Variants in CCDC178 observed in about 807,000 individuals in gnomAD.
CCDC178 encodes the protein coiled-coil domain containing 178, also known as coiled-coil domain-containing protein 178.
CCDC178 carries 126 observed loss-of-function variants against 117.4 expected under a neutral mutation model. The observed-to-expected ratio is 1.07, with a 90% confidence interval of 0.93 to 1.24. CCDC178 has a LOEUF of 1.24. Among genes scored for constraint, CCDC178 ranks in the 50% most tolerant of loss-of-function variants. The probability of loss-of-function intolerance (pLI) is 0.00; values close to 1 mark genes in which losing one functional copy is unlikely to be tolerated. For missense variants in CCDC178, 1,030 were observed against 986.9 expected (o/e 1.04, Z -0.59); for synonymous variants, 283 against 313.4 (o/e 0.90, Z 1.02).
intron 2 of CCDC178, among the ~76,000 whole-genome samples, chr18:33,421,836 A>C (rs941901324): frequency 9.2e-5 from 14 of 152,228 alleles, no homozygotes; most frequent in African/African-American, 3.1e-4. Context: ...CTGGTAGAAA[A>C]GGAAAGGTAC....
chr18:33,405,655 G>A (rs1213919024), intron 3 of CCDC178, among the ~76,000 whole-genome samples: 1 of 151,944 alleles, frequency 6.6e-6, no homozygotes, highest in African/African-American at 2.4e-5. Flanking sequence ...GAACATTCAA[G>A]AAATGAAAGA....
chr18:33,284,813 G>A (rs2060077328), intron 12 of CCDC178, among the ~76,000 whole-genome samples: 1 of 152,078 alleles, frequency 6.6e-6, no homozygotes, highest in Non-Finnish European at 1.5e-5. Context: ...TCTTATGTGA[G>A]AACGCAAGGA....
intron 22 of CCDC178, among the ~76,000 whole-genome samples, chr18:32,945,710 T>G (rs2054331239): frequency 6.6e-6 from 1 of 152,062 alleles, no homozygotes; most frequent in African/African-American, 2.4e-5. Flanking sequence ...TTTCTAAAAT[T>G]CCTACAAATT....
rs560232321 is a variant in CCDC178 at position 33,377,013 on chromosome 18, A to T, written c.209-6824T>A. Reference sequence around the variant, plus strand: ...AATGCTAGTTCAGCTCTTAGTTATTAGACAAATCTCAAAACTGCTTTCCAT... The same window carrying T: ...AATGCTAGTTCAGCTCTTAGTTATTTGACAAATCTCAAAACTGCTTTCCAT... On this transcript the variant is annotated intron_variant, in intron 5 of 22. Coordinates refer to ENST00000383096, the MANE Select transcript of CCDC178 (RefSeq NM_001105528.4). 3.5e-4 allele frequency among the ~76,000 whole-genome samples: 53 copies of T among 152,272 alleles called. 1 individual carries two copies. The highest frequency in any genetic ancestry group is 1.3e-3 in the African/African-American group (52 of 41,578).
At chr18:33,301,298 A>T (rs1274862890) in intron 11 of CCDC178, among the ~76,000 whole-genome samples, 1 of 152,228 alleles carries the variant, frequency 6.6e-6, no homozygotes, top group African/African-American at 2.4e-5. Flanking sequence ...AGGATGTAGG[A>T]GAAAGCCTGT....
intron 21 of CCDC178, among the ~76,000 whole-genome samples, chr18:32,988,600 T>A (rs2055320513): frequency 6.6e-6 from 1 of 151,774 alleles, no homozygotes; most frequent in South Asian, 2.1e-4. Context: ...CATCCAAATT[T>A]AAAAAAATAT....
intron 15 of CCDC178, among the ~76,000 whole-genome samples, chr18:33,229,620 C>T (rs1450452337): frequency 6.6e-6 from 1 of 152,164 alleles, no homozygotes; most frequent in Non-Finnish European, 1.5e-5. Flanking sequence ...TACTAATTTA[C>T]ACAATGTGAC....
At chr18:32,952,482 G>T (rs975925547) in intron 22 of CCDC178, among the ~76,000 whole-genome samples, 1 of 152,182 alleles carries the variant, frequency 6.6e-6, no homozygotes, top group African/African-American at 2.4e-5. Flanking sequence ...TACAGCTGGA[G>T]CTGAAGCAGG....
At chr18:32,949,446 T>G (rs2054429745) in intron 22 of CCDC178, among the ~76,000 whole-genome samples, 1 of 152,154 alleles carries the variant, frequency 6.6e-6, no homozygotes, top group South Asian at 2.1e-4. Flanking sequence ...ATTTCTTTCT[T>G]TCATTTTGGA....
chr18:33,365,965 G>A (rs1240639788), intron 6 of CCDC178, among the ~76,000 whole-genome samples: 1 of 152,076 alleles, frequency 6.6e-6, no homozygotes, highest in Non-Finnish European at 1.5e-5. Context: ...ACTCTGAAGA[G>A]TTTTTCAGTG....
chr18:33,417,899 A>G (rs2063968702), intron 2 of CCDC178, among the ~76,000 whole-genome samples: 1 of 152,148 alleles, frequency 6.6e-6, no homozygotes, highest in Non-Finnish European at 1.5e-5. Flanking sequence ...TTCATTGCCA[A>G]ATTCTACCAG....
chr18:33,054,952 C>T (rs916980081), intron 21 of CCDC178, among the ~76,000 whole-genome samples: 5 of 152,122 alleles, frequency 3.3e-5, no homozygotes, highest in Admixed American at 1.3e-4. Context: ...TGTTTTTTGG[C>T]TTTTAAATAG....
At position 33,273,956 on chromosome 18, in the gene CCDC178, G is replaced by A. The variant is rs1358637315; in HGVS notation, c.1177-6659C>T. ...TACTAACAAGAAAGTGAAAAGACAT[G>A]ACATGGAGTGGGAGAAAATATTTTC... On this transcript the variant is annotated intron_variant, in intron 12 of 22. Coordinates refer to ENST00000383096, the MANE Select transcript of CCDC178 (RefSeq NM_001105528.4). Among the ~76,000 whole-genome samples the A allele has an allele frequency of 5.3e-5, 8 of 151,722 alleles. 1 individual carries two copies. The South Asian group carries it at 1.7e-3, about 31-fold the overall frequency.
intron 20 of CCDC178, among the ~76,000 whole-genome samples, chr18:33,148,472 G>T (rs1219707972): frequency 6.6e-6 from 1 of 151,546 alleles, no homozygotes; most frequent in African/African-American, 2.4e-5. Context: ...ACCGTGGGGA[G>T]AGGGGGAGGG....
chr18:33,402,130 T>C (rs2063716863), intron 3 of CCDC178, among the ~76,000 whole-genome samples: 1 of 152,096 alleles, frequency 6.6e-6, no homozygotes, highest in Non-Finnish European at 1.5e-5. Flanking sequence ...TCTGAATACT[T>C]AACTTGAAAC....
intron 22 of CCDC178, among the ~76,000 whole-genome samples, chr18:32,959,303 G>A (rs937040477): frequency 2.0e-5 from 3 of 152,146 alleles, no homozygotes. Context: ...AAAATCCAAA[G>A]GTTAAGCCTC....
chr18:33,250,049 C>T, intron 14 of CCDC178, among the ~76,000 whole-genome samples: 1 of 151,830 alleles, frequency 6.6e-6, no homozygotes, highest in East Asian at 1.9e-4. Context: ...GGAGTTCCCT[C>T]ATGATTTGGT....
At chr18:33,179,850 C>A (rs1199174611) in intron 20 of CCDC178, among the ~76,000 whole-genome samples, 1 of 151,992 alleles carries the variant, frequency 6.6e-6, no homozygotes, top group East Asian at 1.9e-4. Flanking sequence ...AGTTTTAACA[C>A]CGCTAGTCTA....
At chr18:33,306,379 G>T (rs181960809) in intron 11 of CCDC178, among the ~76,000 whole-genome samples, 9 of 148,482 alleles carry the variant, frequency 6.1e-5, no homozygotes, top group African/African-American at 7.4e-5. Context: ...ATTATCTCAT[G>T]GCCAAAAGTC....
Sources: allele counts gnomAD v4.1 joint callset (sites outside exome capture counted in the v4.1 genomes callset), GRCh38; gene constraint gnomAD v4.1.1; transcripts MANE v1.5; gene names NCBI Gene and HGNC (gene_info 2026-07-23, HGNC 2026-07-21).